CHRM3: variants seen among roughly 807,000 people sequenced by gnomAD.
CHRM3 encodes cholinergic receptor muscarinic 3.
A neutral mutation model predicts 41.8 loss-of-function variants in CHRM3; 11 were observed. The ratio of observed to expected loss-of-function variants is 0.26; its 90% CI spans 0.17 to 0.44. The LOEUF (loss-of-function observed/expected upper bound fraction) is 0.44, where lower values mean the gene tolerates loss of function less well. Ranked by LOEUF, CHRM3 falls within the 20% of genes least tolerant of loss-of-function variation. The probability of loss-of-function intolerance (pLI) is 1.00; values close to 1 mark genes in which losing one functional copy is unlikely to be tolerated. For missense variants in CHRM3, 571 were observed against 745.4 expected (o/e 0.77, Z 2.72); for synonymous variants, 297 against 301.4 (o/e 0.99, Z 0.15).
At chr1:239,796,616 G>A (rs76372097) in intron 5 of CHRM3, among the ~76,000 whole-genome samples, 1,883 of 152,072 alleles carry the variant, frequency 0.012, 44 homozygotes, top group African/African-American at 0.044. Context: ...GCTGATCAGC[G>A]TCTCGGAGGC....
rs183409959 is a variant in CHRM3, at chr1:239,653,702, C to G, written c.-250+21416C>G. ...TCCACTTAAAGAGCAAGATAAAAAT[C>G]AGACAAGTAGGCATAGAGGAGAATT... is the stretch of plus-strand genomic sequence containing the variant. On this transcript the variant is annotated intron_variant, in intron 4 of 6. Coordinates refer to ENST00000676153, the MANE Select transcript of CHRM3 (RefSeq NM_001375978.1). Among the ~76,000 whole-genome samples, 3 of 152,284 alleles carry G rather than the reference C, an allele frequency of 2.0e-5. No individual in the cohort carries two copies. In the East Asian group the frequency reaches 5.8e-4, roughly 29 times the overall value.
chr1:239,662,692 A>G (rs576400689), intron 4 of CHRM3, among the ~76,000 whole-genome samples: 1 of 152,200 alleles, frequency 6.6e-6, no homozygotes, highest in Admixed American at 6.5e-5. Context: ...GTTTTCTGCA[A>G]TGGATATTAA....
At chr1:239,692,405 A>C (rs1659807125) in intron 5 of CHRM3, among the ~76,000 whole-genome samples, 1 of 152,186 alleles carries the variant, frequency 6.6e-6, no homozygotes, top group Non-Finnish European at 1.5e-5. Context: ...ACTCTCCTTG[A>C]GTAAGAAATA....
chr1:239,641,465 T>A (rs1401776328), intron 4 of CHRM3, among the ~76,000 whole-genome samples: 17 of 146,570 alleles, frequency 1.2e-4, no homozygotes, highest in Non-Finnish European at 2.1e-4. Context: ...TGGGTGCATA[T>A]ATATTTAGGA....
At chr1:239,728,679 A>G (rs1204843397) in intron 5 of CHRM3, among the ~76,000 whole-genome samples, 1 of 151,970 alleles carries the variant, frequency 6.6e-6, no homozygotes, top group Non-Finnish European at 1.5e-5. Flanking sequence ...TCATTCTTAA[A>G]CCAGAATGGA....
intron 5 of CHRM3, among the ~76,000 whole-genome samples, chr1:239,776,857 G>C (rs1294505006): frequency 6.6e-6 from 1 of 152,096 alleles, no homozygotes; most frequent in Non-Finnish European, 1.5e-5. Flanking sequence ...ACAGAGCAAA[G>C]TAGGGGAAAA....
chr1:239,618,438 G>A (rs1449025914), intron 3 of CHRM3, among the ~76,000 whole-genome samples: 1 of 147,658 alleles, frequency 6.8e-6, no homozygotes, highest in South Asian at 2.2e-4. Context: ...TAGGAGGTTT[G>A]TTTTCAAGTC....
chr1:239,585,920 A>G (rs550014781), intron 3 of CHRM3, among the ~76,000 whole-genome samples: 13 of 152,192 alleles, frequency 8.5e-5, no homozygotes, highest in Non-Finnish European at 1.5e-4. Flanking sequence ...TGTCAGTTTT[A>G]TTTATCATTC....
chr1:239,782,980 T>C (rs1009819626), intron 5 of CHRM3, among the ~76,000 whole-genome samples: 64 of 49,170 alleles, frequency 1.3e-3, no homozygotes, highest in Non-Finnish European at 3.2e-3. Context: ...GTTGTTTGAT[T>C]TCTAGTTTTT....
At chr1:239,609,282 A>C (rs1666721050) in intron 3 of CHRM3, among the ~76,000 whole-genome samples, 1 of 152,214 alleles carries the variant, frequency 6.6e-6, no homozygotes, top group Admixed American at 6.5e-5. Flanking sequence ...TCTTTCACTC[A>C]GCAAAATTAT....
chr1:239,794,810 T>A (rs2148884372), intron 5 of CHRM3, among the ~76,000 whole-genome samples: 1 of 152,318 alleles, frequency 6.6e-6, no homozygotes, highest in South Asian at 2.1e-4. Context: ...CAACCATTTC[T>A]CTGTTCTGTT....
chr1:239,510,849 T>C (rs1572549689), intron 2 of CHRM3, among the ~76,000 whole-genome samples: 1 of 152,102 alleles, frequency 6.6e-6, no homozygotes, highest in East Asian at 1.9e-4. Context: ...ATTCTTATAA[T>C]GTGAAATAAT....
intron 2 of CHRM3, among the ~76,000 whole-genome samples, chr1:239,532,758 TAAG>T (rs913580323): frequency 7.6e-4 from 116 of 152,196 alleles, no homozygotes; most frequent in African/African-American, 2.7e-3. Flanking sequence ...AAAAGATGAT[TAAG>T]AAGAATACCC....
intron 1 of CHRM3, among the ~76,000 whole-genome samples, chr1:239,469,614 T>C (rs1260294732): frequency 2.6e-5 from 4 of 152,124 alleles, no homozygotes; most frequent in Non-Finnish European, 5.9e-5. Context: ...TGGAATGCAA[T>C]GGCACAGTCT....
intron 2 of CHRM3, among the ~76,000 whole-genome samples, chr1:239,506,366 C>G (rs1219897352): frequency 6.6e-6 from 1 of 152,134 alleles, no homozygotes; most frequent in East Asian, 1.9e-4. Context: ...GTGTTCTAGC[C>G]ACTCCAGCCA....
At chr1:239,810,015 G>T (rs929187118) in intron 5 of CHRM3, among the ~76,000 whole-genome samples, 3 of 152,190 alleles carry the variant, frequency 2.0e-5, no homozygotes, top group African/African-American at 7.2e-5. Context: ...GTAAGATTCT[G>T]CATCTGCCTT....
chr1:239,435,226 C>T (rs1040067002), intron 1 of CHRM3, among the ~76,000 whole-genome samples: 15 of 152,130 alleles, frequency 9.9e-5, no homozygotes, highest in East Asian at 1.9e-4. Context: ...CCAAGGCGGG[C>T]GGATCACGAG....
chr1:239,849,270 T>G (rs1253047256), intron 6 of CHRM3, among the ~76,000 whole-genome samples: 1 of 152,194 alleles, frequency 6.6e-6, no homozygotes, highest in Non-Finnish European at 1.5e-5. Flanking sequence ...TTTTGCATAT[T>G]TACTTCACTG....
chr1:239,569,241 C>A (rs1661622150), intron 3 of CHRM3, among the ~76,000 whole-genome samples: 1 of 152,094 alleles, frequency 6.6e-6, no homozygotes, highest in African/African-American at 2.4e-5. Flanking sequence ...AAAGTACATA[C>A]CTCAAAAGAT....
Sources: allele counts gnomAD v4.1 joint callset (sites outside exome capture counted in the v4.1 genomes callset), GRCh38; gene constraint gnomAD v4.1.1; transcripts MANE v1.5; gene names NCBI Gene and HGNC (gene_info 2026-07-23, HGNC 2026-07-21).